RYR2: variants seen among roughly 807,000 people sequenced by gnomAD.
RYR2 encodes ryanodine receptor 2.
A neutral mutation model predicts 601.1 loss-of-function variants in RYR2; 227 were observed. The observed-to-expected ratio is 0.38, with a 90% CI of 0.34 to 0.42. The LOEUF is 0.42. Among genes scored for constraint, RYR2 ranks in the 10% least tolerant of loss-of-function variants. The pLI, the probability that RYR2 is intolerant of heterozygous loss-of-function variation, is 1.00. For synonymous variants in RYR2, 2,223 were observed against 2,175.1 expected, an observed-to-expected ratio of 1.02 and a Z score of -0.61; for missense variants, 4,646 against 6,156.5, an observed-to-expected ratio of 0.75 and a Z score of 8.21.
chr1:237,262,245 G>GTTTTTTTTTTTTTTTTTTTTTTTTTTTT (rs386370106), intron 1 of RYR2, among the ~76,000 whole-genome samples: 1 of 61,102 alleles, frequency 1.6e-5, no homozygotes, highest in African/African-American at 6.0e-5. Flanking sequence ...GTTCTAAAGA[G>GTTTTTTTTTTTTTTTTTTTTTTTTTTTT]TTTTTTTTTT....
At chr1:237,047,033 C>G (rs1660682347) in intron 1 of RYR2, among the ~76,000 whole-genome samples, 1 of 152,148 alleles carries the variant, frequency 6.6e-6, no homozygotes, top group African/African-American at 2.4e-5. Flanking sequence ...ATTACCCTGT[C>G]CACCCCATGC....
chr1:237,042,272 G>C lies in RYR2; in HGVS notation c.-250G>C. 4.9e-6 allele frequency: 1 copy of C among 205,886 alleles called. No individual in the cohort carries two copies. The highest frequency in any genetic ancestry group is 9.6e-6 in the Non-Finnish European group (1 of 104,400). 12.8% of individuals were successfully genotyped at this position (205,886 alleles called of 1,614,324 possible). On this transcript the variant is annotated 5_prime_UTR_variant, in exon 1 of 105. Transcript: ENST00000366574. Reference sequence around the variant, plus strand: ...GCGGGGCTGCTTCCCCGCGTCCTCCGGGCCCGGGCCGCCCTCCTCCCGCAC... The same window carrying C: ...GCGGGGCTGCTTCCCCGCGTCCTCCCGGCCCGGGCCGCCCTCCTCCCGCAC...
At position 237,626,756 on chromosome 1, in the gene RYR2, T is replaced by G. The variant is rs555112210; in HGVS notation, c.6166+952T>G. Among the ~76,000 whole-genome samples, 312 of 151,908 alleles carry G rather than the reference T, an allele frequency of 2.1e-3. 1 individual carries two copies. The highest frequency in any genetic ancestry group is 3.1e-3 in the Non-Finnish European group (214 of 67,950). On this transcript the variant is annotated intron_variant, in intron 40 of 104. Transcript: ENST00000366574. ...GCCTGATTAGTTTTTATATTTTTAG[T>G]AGAGACTGAGTTTTACCATGATGGC... is the stretch of plus-strand genomic sequence containing the variant.
chr1:237,109,700 C>T (rs1459360759), intron 1 of RYR2, among the ~76,000 whole-genome samples: 4 of 144,646 alleles, frequency 2.8e-5, no homozygotes, highest in South Asian at 2.3e-4. Flanking sequence ...CCAGCCTGGG[C>T]GACAGAGCGA....
At position 237,402,672 on chromosome 1, in the gene RYR2, C is replaced by T. The variant is rs139400487; in HGVS notation, c.774-14377C>T. On this transcript the variant is annotated intron_variant, in intron 10 of 104. Coordinates refer to ENST00000366574, the MANE Select transcript of RYR2 (RefSeq NM_001035.3). Reference sequence around the variant, plus strand: ...GCTGGGCTTGGTGTCACACACCTGTCATCCCAGCACTTTGGGAGGATACCT... The same window carrying T: ...GCTGGGCTTGGTGTCACACACCTGTTATCCCAGCACTTTGGGAGGATACCT... Among the ~76,000 whole-genome samples, 9 of 152,242 alleles carry T rather than the reference C, an allele frequency of 5.9e-5. No homozygotes were observed. In the East Asian group the frequency reaches 1.7e-3, roughly 29 times the overall value.
At chr1:237,359,785 T>C (rs1437773532) in intron 4 of RYR2, among the ~76,000 whole-genome samples, 1 of 152,154 alleles carries the variant, frequency 6.6e-6, no homozygotes, top group African/African-American at 2.4e-5. Flanking sequence ...CTTTACACTT[T>C]AAAAGAGAAT....
At chr1:237,304,741 C>T (rs1184209076) in intron 2 of RYR2, among the ~76,000 whole-genome samples, 2 of 152,138 alleles carry the variant, frequency 1.3e-5, no homozygotes, top group African/African-American at 4.8e-5. Flanking sequence ...ATATGAATGT[C>T]ATTTCAACAA....
chr1:237,601,930 C>A, intron 34 of RYR2, 95 bp from the exon 35 acceptor site: 1 of 974,956 alleles, frequency 1.0e-6, no homozygotes, highest in Non-Finnish European at 1.5e-6. Context: ...CTCTGGGCTC[C>A]TTCTGTAAAG....
intron 27 of RYR2, 80 bp downstream of exon 27, chr1:237,550,771 G>C: frequency 7.0e-7 from 1 of 1,420,186 alleles, no homozygotes; most frequent in Non-Finnish European, 9.4e-7. Flanking sequence ...GAATAAAAGG[G>C]GGAGTACTGG....
chr1:237,404,539 A>G (rs1703684724), intron 10 of RYR2, among the ~76,000 whole-genome samples: 1 of 152,208 alleles, frequency 6.6e-6, no homozygotes, highest in Non-Finnish European at 1.5e-5. Context: ...TAGGACAAAT[A>G]TTAAGAAGAC....
rs1689518944 is a variant in RYR2, at chr1:237,719,336, C to T, written c.10554+815C>T. On this transcript the variant is annotated intron_variant, in intron 73 of 104. Transcript: ENST00000366574. ...GTCGTTAGTCTATAGGTGAATTAGG[C>T]CATTTTTGCTTTACTATATAGAAAT... Among the ~76,000 whole-genome samples the T allele has an allele frequency of 2.6e-5, 4 of 152,034 alleles. No individual in the cohort carries two copies. In the South Asian group the frequency reaches 8.3e-4, roughly 32 times the overall value.
At chr1:237,588,450 AC>A (rs1190445151) in intron 29 of RYR2, among the ~76,000 whole-genome samples, 1 of 152,214 alleles carries the variant, frequency 6.6e-6, no homozygotes, top group Non-Finnish European at 1.5e-5. Context: ...TTTATGCTCT[AC>A]AAATTAGAGG....
intron 97 of RYR2, among the ~76,000 whole-genome samples, chr1:237,798,490 A>T (rs912741122): frequency 6.6e-6 from 1 of 152,154 alleles, no homozygotes; most frequent in African/African-American, 2.4e-5. Flanking sequence ...AAAACTCAAT[A>T]TATGGCTGTT....
intron 100 of RYR2, among the ~76,000 whole-genome samples, chr1:237,816,505 A>G (rs1463292644): frequency 6.6e-6 from 1 of 152,064 alleles, no homozygotes; most frequent in Non-Finnish European, 1.5e-5. Context: ...CCTGGCCAAC[A>G]TGGTGAAACT....
chr1:237,824,744 C>T (rs1328669164), intron 101 of RYR2, among the ~76,000 whole-genome samples: 1 of 151,470 alleles, frequency 6.6e-6, no homozygotes, highest in Non-Finnish European at 1.5e-5. Flanking sequence ...GAATTGTCTG[C>T]AGATGACATG....
At chr1:237,332,216 C>T (rs1388311467) in intron 3 of RYR2, among the ~76,000 whole-genome samples, 1 of 152,050 alleles carries the variant, frequency 6.6e-6, no homozygotes, top group East Asian at 1.9e-4. Flanking sequence ...TTATTTTCAT[C>T]AGCCTTGTAG....
intron 61 of RYR2, among the ~76,000 whole-genome samples, chr1:237,679,879 G>T (rs572239017): frequency 1.3e-5 from 2 of 152,342 alleles, no homozygotes; most frequent in South Asian, 4.1e-4. Flanking sequence ...GCCAGGTGAT[G>T]TGAGTGGACA....
intron 1 of RYR2, among the ~76,000 whole-genome samples, chr1:237,077,461 G>T (rs1665113154): frequency 7.5e-6 from 1 of 133,610 alleles, no homozygotes; most frequent in African/African-American, 2.6e-5. Context: ...ACAAAAAAAG[G>T]CAGGGGTTGC....
At chr1:237,609,629 T>A (rs547619905) in intron 35 of RYR2, among the ~76,000 whole-genome samples, 16 of 152,074 alleles carry the variant, frequency 1.1e-4, no homozygotes, top group African/African-American at 3.6e-4. Context: ...CCTCCCAAAG[T>A]GCTGGGATTA....
Sources: gnomAD v4.1 joint callset for allele counts (sites outside exome capture counted in the v4.1 genomes callset) on GRCh38, gnomAD v4.1.1 for gene constraint, MANE v1.5 for transcripts, NCBI Gene and HGNC (gene_info 2026-07-23, HGNC 2026-07-21) for gene names.